ATXN1: variants seen among roughly 807,000 people sequenced by gnomAD.
ATXN1 encodes the protein ataxin 1, also known as ataxin-1.
In ATXN1, 8 loss-of-function variants were observed where a neutral mutation model predicts 56.4. That is an observed-to-expected ratio of 0.14 (90% confidence interval 0.08 to 0.26). The LOEUF is 0.26. Ranked by LOEUF, ATXN1 falls within the 10% of genes least tolerant of loss-of-function variation. The pLI is 1.00. For missense variants in ATXN1, 987 were observed against 1,106.5 expected, an observed-to-expected ratio of 0.89 and a Z score of 1.53; for synonymous variants, 514 against 494.6, an observed-to-expected ratio of 1.04 and a Z score of -0.52.
intron 6 of ATXN1, among the ~76,000 whole-genome samples, chr6:16,446,073 G>A (rs1429684536): frequency 6.6e-6 from 1 of 151,512 alleles, no homozygotes; most frequent in Non-Finnish European, 1.5e-5. Flanking sequence ...GGTATTTCTA[G>A]TTCTAGATCC....
chr6:16,612,269 T>C (rs189000720), intron 3 of ATXN1, among the ~76,000 whole-genome samples: 1 of 152,322 alleles, frequency 6.6e-6, no homozygotes, highest in Admixed American at 6.5e-5. Context: ...GCATCTTCTA[T>C]ACAGGGGCTC....
chr6:16,692,767 A>G (rs950523838), intron 2 of ATXN1, among the ~76,000 whole-genome samples: 12 of 152,306 alleles, frequency 7.9e-5, no homozygotes, highest in Non-Finnish European at 1.2e-4. Context: ...TCCATGTTCT[A>G]TATTTTCACT....
Position 16,679,276 on chromosome 6 carries a change from G to GTGGATGGATGGATGGA in ATXN1, c.-614-21391_-614-21376dup, listed in dbSNP as rs10701438. On this transcript the variant is annotated intron_variant, in intron 2 of 7. Coordinates refer to ENST00000436367, the MANE Select transcript of ATXN1 (RefSeq NM_001128164.2). ...GATGGATGGATGGATGAGTTAGTGG[G>GTGGATGGATGGATGGA]TGGATGGATGGATGGATGGATGGAT... is the stretch of plus-strand genomic sequence containing the variant. Among the ~76,000 whole-genome samples the GTGGATGGATGGATGGA allele has an allele frequency of 1.2e-3, 167 of 138,306 alleles. 5 individuals carry two copies. The highest frequency in any genetic ancestry group is 6.9e-3 in the Admixed American group (97 of 14,002). 90.7% of individuals were successfully genotyped at this position (138,306 alleles called of 152,430 possible).
chr6:16,592,932 C>T (rs1310405865), intron 3 of ATXN1, among the ~76,000 whole-genome samples: 3 of 152,096 alleles, frequency 2.0e-5, no homozygotes, highest in African/African-American at 7.2e-5. Context: ...TGTCCTGTTT[C>T]TGTCCTATCA....
At chr6:16,465,843 G>A (rs1195402439) in intron 6 of ATXN1, among the ~76,000 whole-genome samples, 2 of 152,172 alleles carry the variant, frequency 1.3e-5, no homozygotes, top group Admixed American at 6.5e-5. Context: ...TCTCTGCTAA[G>A]TCCGGGCCAC....
chr6:16,537,794 C>T (rs1297967488), intron 4 of ATXN1, among the ~76,000 whole-genome samples: 1 of 151,530 alleles, frequency 6.6e-6, no homozygotes, highest in African/African-American at 2.4e-5. Context: ...AAACAGACTT[C>T]GATTTGGAAG....
intron 4 of ATXN1, among the ~76,000 whole-genome samples, chr6:16,526,034 AATAAATCTATAT>A (rs1761385869): frequency 1.0e-5 from 1 of 98,670 alleles, no homozygotes; most frequent in South Asian, 2.8e-4. Flanking sequence ...TACATATAGA[AATAAATCTATAT>A]ATATATATAT....
At chr6:16,636,658 T>C (rs1763602828) in intron 3 of ATXN1, among the ~76,000 whole-genome samples, 1 of 152,246 alleles carries the variant, frequency 6.6e-6, no homozygotes, top group Admixed American at 6.5e-5. Context: ...TGAATTAATA[T>C]GAAACCTTTT....
chr6:16,613,587 G>GAGGCAT (rs151094480), intron 3 of ATXN1, among the ~76,000 whole-genome samples: 1 of 151,962 alleles, frequency 6.6e-6, no homozygotes, highest in African/African-American at 2.4e-5. Context: ...CATGCTTTGG[G>GAGGCAT]AGGCTGAGGC....
chr6:16,326,613 A>G lies in ATXN1; in HGVS notation c.1698T>C (p.Ala566=), dbSNP rs1276065306. The change falls in exon 7 of 8, where the codon GCT becomes GCC. Residue 566 remains alanine, a synonymous_variant. Transcript: ENST00000436367. The surrounding 1 kb of genome is among the most constrained non-coding windows in gnomAD (Gnocchi z 6.6). Reference sequence around the variant, plus strand: ...TGAAGTAGGGAGGCAGCGTAGGGGGAGCCGCCGCCGGGGAGGCCACGGACT... The same window carrying G: ...TGAAGTAGGGAGGCAGCGTAGGGGGGGCCGCCGCCGGGGAGGCCACGGACT... ...VVQSVASPAA[A]PPTLPPYFMK... is the part of the protein sequence containing the mutation. The G allele has an allele frequency of 1.2e-6, 2 of 1,613,862 alleles. No individual in the cohort carries two copies. The highest frequency in any genetic ancestry group is 1.1e-5 in the South Asian group (1 of 91,066).
At position 16,339,276 on chromosome 6, in the gene ATXN1, C is replaced by T. The variant is rs150266724; in HGVS notation, c.-160-10806G>A. 2.8e-3 allele frequency among the ~76,000 whole-genome samples: 423 copies of T among 152,320 alleles called. 1 individual carries two copies. The highest frequency in any genetic ancestry group is 6.8e-3 in the Middle Eastern group (2 of 294). On this transcript the variant is annotated intron_variant, in intron 6 of 7. Coordinates refer to ENST00000436367, the MANE Select transcript of ATXN1 (RefSeq NM_001128164.2). ...GACAGCCCCAGTCTACAACAGAGAA[C>T]ATAAAACTCTCCATCAAGTCAGGAA...
intron 2 of ATXN1, among the ~76,000 whole-genome samples, chr6:16,688,975 G>A (rs768395945): frequency 6.6e-6 from 1 of 151,888 alleles, no homozygotes; most frequent in Non-Finnish European, 1.5e-5. Flanking sequence ...TGTATTGCAT[G>A]TGTATGTACA....
At chr6:16,336,730 T>C (rs1297209925) in intron 6 of ATXN1, among the ~76,000 whole-genome samples, 1 of 152,162 alleles carries the variant, frequency 6.6e-6, no homozygotes, top group Non-Finnish European at 1.5e-5. Flanking sequence ...ATTTTCCTTT[T>C]CTTTGAGGCA....
intron 3 of ATXN1, among the ~76,000 whole-genome samples, chr6:16,655,357 C>T (rs1002354578): frequency 6.6e-6 from 1 of 151,984 alleles, no homozygotes; most frequent in Non-Finnish European, 1.5e-5. Flanking sequence ...CTCGTATCTA[C>T]AAAAAAATGG....
chr6:16,572,784 G>A (rs1360845487), intron 4 of ATXN1, among the ~76,000 whole-genome samples: 1 of 152,156 alleles, frequency 6.6e-6, no homozygotes, highest in African/African-American at 2.4e-5. Flanking sequence ...TGAGGTTTAA[G>A]CATGCATACA....
chr6:16,484,947 ATGTGTGTGTGTGTGTGTGTG>A (rs35749735), intron 6 of ATXN1, among the ~76,000 whole-genome samples: 2 of 125,974 alleles, frequency 1.6e-5, no homozygotes, highest in East Asian at 2.3e-4. Flanking sequence ...CTAAATATAT[ATGTGTGTGTGTGTGTGTGTG>A]TGTGTGTGTG....
At chr6:16,756,860 A>G (rs888947703) in intron 1 of ATXN1, among the ~76,000 whole-genome samples, 5 of 152,254 alleles carry the variant, frequency 3.3e-5, no homozygotes, top group African/African-American at 1.2e-4. Flanking sequence ...AACTTTTAAT[A>G]GGAAACAAAA....
At chr6:16,702,808 A>G (rs1288942341) in intron 2 of ATXN1, among the ~76,000 whole-genome samples, 6 of 152,194 alleles carry the variant, frequency 3.9e-5, no homozygotes, top group African/African-American at 1.2e-4. Context: ...TTAGAATGGC[A>G]ATCATTAAAA....
intron 6 of ATXN1, among the ~76,000 whole-genome samples, chr6:16,385,039 A>G (rs975346295): frequency 6.6e-6 from 1 of 152,102 alleles, no homozygotes; most frequent in Non-Finnish European, 1.5e-5. Flanking sequence ...GGCTCCTTGG[A>G]GCTGATGGCA....
Sources: gnomAD v4.1 joint callset for allele counts (sites outside exome capture counted in the v4.1 genomes callset) on GRCh38, gnomAD v4.1.1 for gene constraint, Gnocchi (gnomAD v3.1) non-coding constraint, MANE v1.5 for transcripts, NCBI Gene and HGNC (gene_info 2026-07-23, HGNC 2026-07-21) for gene names.